The following PPP1R13B variants were observed in gnomAD, a reference collection of about 807,000 sequenced individuals.
The protein encoded by PPP1R13B is apoptosis-stimulating of p53 protein 1.
A neutral mutation model predicts 119.8 loss-of-function variants in PPP1R13B; 44 were observed. The observed-to-expected ratio is 0.37, with a 90% CI of 0.29 to 0.47. The LOEUF (loss-of-function observed/expected upper bound fraction) is 0.47, where lower values mean the gene tolerates loss of function less well. PPP1R13B is among the 20% of genes least tolerant of loss of function. The pLI is 0.99. For missense variants in PPP1R13B, 1,227 were observed against 1,413.5 expected (o/e 0.87, Z 2.12); for synonymous variants, 542 against 561.5 (o/e 0.97, Z 0.49).
chr14:103,848,143 G>T, upstream of PPP1R13B: 2 of 749,004 alleles, frequency 2.7e-6, no homozygotes, highest in Non-Finnish European at 3.3e-6. Flanking sequence ...GCTGGCACCT[G>T]CTTCTCCCCC....
chr14:103,766,977 T>C (rs1452665906), intron 4 of PPP1R13B, among the ~76,000 whole-genome samples: 1 of 152,084 alleles, frequency 6.6e-6, no homozygotes, highest in African/African-American at 2.4e-5. Context: ...AAAACTAAGA[T>C]AAAGGCAATA....
Position 103,740,121 on chromosome 14 carries a change from G to A in PPP1R13B, c.2295C>T (p.Ala765=), listed in dbSNP as rs1373449134. The change falls in exon 12 of 17, where the codon GCC becomes GCT. Residue 765 remains alanine (A), a synonymous_variant. Coordinates refer to ENST00000202556, the MANE Select transcript of PPP1R13B (RefSeq NM_015316.3). The surrounding 1 kb of genome is among the most constrained non-coding windows in gnomAD (Gnocchi z 4.6). ...LADVDNGNTN[A]NGNLEELPPA... is the part of the protein sequence containing the mutation. ...GGGGGAGCTCTTCCAGGTTTCCATT[G>A]GCATTGGTGTTTCCATTGTCCACAT... The A allele has an allele frequency of 6.2e-7, 1 of 1,613,642 alleles. No individual in the cohort carries two copies. Among genetic ancestry groups the A allele is most frequent in the Non-Finnish European group, 8.5e-7 (1 of 1,180,022 alleles).
intron 1 of PPP1R13B, among the ~76,000 whole-genome samples, chr14:103,837,677 G>A (rs2152084081): frequency 6.6e-6 from 1 of 152,166 alleles, no homozygotes; most frequent in South Asian, 2.1e-4. Flanking sequence ...CTCAAGTCAG[G>A]CCTACAACAA....
chr14:103,814,338 G>C (rs1327814064), intron 1 of PPP1R13B, among the ~76,000 whole-genome samples: 4 of 152,086 alleles, frequency 2.6e-5, no homozygotes, highest in African/African-American at 9.7e-5. Context: ...GACAGAGCAA[G>C]ACTCCGTCTC....
rs2084296263 is a variant in PPP1R13B, at chr14:103,742,932, T to G, written c.1151-109A>C. The G allele has an allele frequency of 1.6e-6, 2 of 1,269,446 alleles. No homozygotes were observed. Among genetic ancestry groups the G allele is most frequent in the East Asian group, 4.7e-5 (2 of 42,248 alleles). 78.6% of individuals were successfully genotyped at this position (1,269,446 alleles called of 1,614,324 possible). On this transcript the variant is annotated intron_variant, in intron 9 of 16. Coordinates refer to ENST00000202556, the MANE Select transcript of PPP1R13B (RefSeq NM_015316.3). The surrounding 1 kb of genome is among the most constrained non-coding windows in gnomAD (Gnocchi z 4.9). Reference sequence around the variant, plus strand: ...ACAGCACTGGGACATCCCATTCTGATGCAGATCCATTAACCGAGTGGTCAA... The same window carrying G: ...ACAGCACTGGGACATCCCATTCTGAGGCAGATCCATTAACCGAGTGGTCAA...
chr14:103,806,281 G>T (rs1329275382), intron 1 of PPP1R13B, among the ~76,000 whole-genome samples: 13 of 152,056 alleles, frequency 8.5e-5, no homozygotes, highest in Non-Finnish European at 8.8e-5. Context: ...AGGCTTTTCT[G>T]GCCCAACCCA....
At chr14:103,788,690 C>T (rs562082024) in intron 2 of PPP1R13B, among the ~76,000 whole-genome samples, 46 of 112,128 alleles carry the variant, frequency 4.1e-4, no homozygotes, top group Non-Finnish European at 8.1e-4. Context: ...ACAATCAAAG[C>T]AAAAAAAAAA....
At chr14:103,822,607 T>C (rs2086437055) in intron 1 of PPP1R13B, among the ~76,000 whole-genome samples, 1 of 147,766 alleles carries the variant, frequency 6.8e-6, no homozygotes, top group African/African-American at 2.5e-5. Flanking sequence ...AGGTCAGGAG[T>C]TCAAGACCAG....
intron 2 of PPP1R13B, among the ~76,000 whole-genome samples, chr14:103,789,837 T>A (rs541019648): frequency 2.4e-4 from 36 of 152,316 alleles, no homozygotes; most frequent in African/African-American, 8.4e-4. Context: ...TAGTTATTAA[T>A]TATGTCTTCC....
chr14:103,784,539 C>T (rs1376518119), intron 3 of PPP1R13B, among the ~76,000 whole-genome samples: 1 of 134,170 alleles, frequency 7.5e-6, no homozygotes, highest in Non-Finnish European at 1.5e-5. Flanking sequence ...GCCAAGATTG[C>T]ACCACTGTAC....
At chr14:103,833,182 T>C (rs2086697895) in intron 1 of PPP1R13B, among the ~76,000 whole-genome samples, 2 of 152,160 alleles carry the variant, frequency 1.3e-5, no homozygotes, top group Non-Finnish European at 2.9e-5. Context: ...TTTCATATCT[T>C]TCTCAGGAAC....
At chr14:103,741,525 G>A (rs568393343) in intron 11 of PPP1R13B, among the ~76,000 whole-genome samples, 2 of 152,238 alleles carry the variant, frequency 1.3e-5, no homozygotes, top group Admixed American at 6.5e-5. Context: ...CACCCTTCCC[G>A]GAGCTGGATT....
intron 2 of PPP1R13B, among the ~76,000 whole-genome samples, chr14:103,794,061 A>G (rs1317462035): frequency 2.0e-5 from 3 of 152,108 alleles, no homozygotes; most frequent in Non-Finnish European, 4.4e-5. Flanking sequence ...CTACAAGTCA[A>G]AGAGAGAGAG....
intron 1 of PPP1R13B, among the ~76,000 whole-genome samples, chr14:103,840,635 A>G (rs1284368348): frequency 6.6e-6 from 1 of 152,022 alleles, no homozygotes; most frequent in Non-Finnish European, 1.5e-5. Flanking sequence ...CTAAAAATAC[A>G]AAAATATTAG....
At chr14:103,754,561 CAAAAAAA>C (rs771794623) in intron 5 of PPP1R13B, among the ~76,000 whole-genome samples, 7 of 41,016 alleles carry the variant, frequency 1.7e-4, no homozygotes, top group Admixed American at 6.9e-4. Flanking sequence ...GACTCAGTCT[CAAAAAAA>C]AAAAAAAAAA....
chr14:103,739,967 C>T lies in PPP1R13B; in HGVS notation c.2449G>A (p.Ala817Thr), dbSNP rs760809720. The T allele has an allele frequency of 1.2e-6, 2 of 1,614,134 alleles. No individual in the cohort carries two copies. Among genetic ancestry groups the T allele is most frequent in the Non-Finnish European group, 1.7e-6 (2 of 1,180,024 alleles). The part of the protein sequence containing the change: ...PQTTHQTAEP[A>T]EDNNNNVATV... ...GCCACGTTGTTGTTATTGTCCTCTG[C>T]CGGCTCGGCAGTTTGGTGGGTGGTT... The change falls in exon 12 of 17, where the codon GCA (alanine) becomes ACA (threonine). Residue 817 changes from alanine to threonine, a missense_variant. Transcript: ENST00000202556.
intron 1 of PPP1R13B, among the ~76,000 whole-genome samples, chr14:103,798,152 CTTT>C (rs768163941): frequency 9.3e-5 from 12 of 129,170 alleles, no homozygotes; most frequent in African/African-American, 2.6e-4. Context: ...ATAATAATCT[CTTT>C]TTTTTTTTTT....
intron 5 of PPP1R13B, among the ~76,000 whole-genome samples, chr14:103,755,665 T>C (rs1203480081): frequency 6.6e-6 from 1 of 152,216 alleles, no homozygotes; most frequent in African/African-American, 2.4e-5. Context: ...ATTTAAGATG[T>C]AGCATTAACT....
intron 1 of PPP1R13B, among the ~76,000 whole-genome samples, chr14:103,820,044 G>A (rs1408645681): frequency 6.6e-6 from 1 of 152,118 alleles, no homozygotes; most frequent in East Asian, 1.9e-4. Context: ...GCCTTGAGTA[G>A]TCCTCTACCT....
Sources: gnomAD v4.1 joint callset for allele counts (sites outside exome capture counted in the v4.1 genomes callset) on GRCh38, gnomAD v4.1.1 for gene constraint, Gnocchi (gnomAD v3.1) non-coding constraint, MANE v1.5 for transcripts, NCBI Gene and HGNC (gene_info 2026-07-23, HGNC 2026-07-21) for gene names.